Variants in RCAN2 observed in about 807,000 individuals in gnomAD.
The protein encoded by RCAN2 is regulator of calcineurin 2.
A neutral mutation model predicts 23.6 loss-of-function variants in RCAN2; 9 were observed. The observed-to-expected ratio is 0.38, with a 90% CI of 0.23 to 0.67. RCAN2 has a LOEUF of 0.67. RCAN2 is among the 30% of genes least tolerant of loss of function. The pLI is 0.51. For synonymous variants in RCAN2, 109 were observed against 115.7 expected (o/e 0.94, Z 0.37); for missense variants, 273 against 302.3 (o/e 0.90, Z 0.72).
At chr6:46,429,262 T>C (rs1767119383) in intron 2 of RCAN2, among the ~76,000 whole-genome samples, 1 of 152,202 alleles carries the variant, frequency 6.6e-6, no homozygotes, top group African/African-American at 2.4e-5. Flanking sequence ...TAAACACTTT[T>C]ACAGGGTGTA....
At chr6:46,229,551 C>T (rs1407520550) in intron 4 of RCAN2, among the ~76,000 whole-genome samples, 4 of 152,176 alleles carry the variant, frequency 2.6e-5, no homozygotes, top group African/African-American at 7.2e-5. Flanking sequence ...TTTCTTCCAC[C>T]TGATCAAATT....
intron 1 of RCAN2, among the ~76,000 whole-genome samples, chr6:46,489,992 GC>G (rs1323789476): frequency 3.9e-5 from 6 of 152,172 alleles, no homozygotes; most frequent in Non-Finnish European, 8.8e-5. Context: ...ATCCTTTCCA[GC>G]TTTTGGGTAT....
intron 2 of RCAN2, among the ~76,000 whole-genome samples, chr6:46,320,027 C>T (rs1472815734): frequency 6.6e-6 from 1 of 152,100 alleles, no homozygotes; most frequent in Non-Finnish European, 1.5e-5. Flanking sequence ...GGTTACTGAA[C>T]GTTAATTACC....
intron 2 of RCAN2, among the ~76,000 whole-genome samples, chr6:46,345,167 T>A (rs1764444242): frequency 6.6e-6 from 1 of 152,048 alleles, no homozygotes; most frequent in African/African-American, 2.4e-5. Flanking sequence ...GAAATTAGGA[T>A]GTAGATATTT....
At chr6:46,314,869 T>C (rs745424889) in intron 2 of RCAN2, among the ~76,000 whole-genome samples, 15 of 152,156 alleles carry the variant, frequency 9.9e-5, no homozygotes, top group Non-Finnish European at 1.5e-4. Flanking sequence ...AAGACCAGCC[T>C]GGGCAACATG....
At chr6:46,383,428 T>G (rs1364562412) in intron 2 of RCAN2, among the ~76,000 whole-genome samples, 1 of 152,146 alleles carries the variant, frequency 6.6e-6, no homozygotes, top group African/African-American at 2.4e-5. Context: ...CAAATAGTTC[T>G]TGTGATACCA....
chr6:46,465,353 A>G (rs1291705016), intron 1 of RCAN2, among the ~76,000 whole-genome samples: 2 of 152,234 alleles, frequency 1.3e-5, no homozygotes, highest in African/African-American at 4.8e-5. Context: ...GTATTAGTCA[A>G]GGTCTCACAG....
intron 2 of RCAN2, among the ~76,000 whole-genome samples, chr6:46,454,137 A>C (rs1320450135): frequency 6.6e-6 from 1 of 152,210 alleles, no homozygotes; most frequent in East Asian, 1.9e-4. Flanking sequence ...CAGTGCCTAA[A>C]ATGTCCACCC....
chr6:46,474,580 G>T (rs762456890), intron 1 of RCAN2, among the ~76,000 whole-genome samples: 2 of 152,170 alleles, frequency 1.3e-5, no homozygotes, highest in Non-Finnish European at 2.9e-5. Context: ...GTGATGGTAC[G>T]TTTGGAAAGG....
intron 2 of RCAN2, among the ~76,000 whole-genome samples, chr6:46,423,746 A>G (rs1766956102): frequency 1.3e-5 from 2 of 152,140 alleles, no homozygotes; most frequent in African/African-American, 4.8e-5. Context: ...CACATCTTTG[A>G]TTTCTGAGAT....
intron 2 of RCAN2, among the ~76,000 whole-genome samples, chr6:46,306,987 G>C (rs1763093063): frequency 6.6e-6 from 1 of 152,042 alleles, no homozygotes; most frequent in South Asian, 2.1e-4. Flanking sequence ...CTAGAACAGA[G>C]CCTGGCAAAT....
intron 4 of RCAN2, among the ~76,000 whole-genome samples, chr6:46,232,196 C>A (rs139749160): frequency 6.6e-6 from 1 of 152,236 alleles, no homozygotes; most frequent in African/African-American, 2.4e-5. Flanking sequence ...TAACCCAGCA[C>A]GCTGTAATCC....
At chr6:46,489,065 C>A (rs1045980334) in intron 1 of RCAN2, among the ~76,000 whole-genome samples, 1 of 152,150 alleles carries the variant, frequency 6.6e-6, no homozygotes, top group African/African-American at 2.4e-5. Context: ...TTCAGTGAAA[C>A]CTTTCTAAAC....
intron 2 of RCAN2, among the ~76,000 whole-genome samples, chr6:46,404,096 C>A (rs997215340): frequency 6.6e-6 from 1 of 152,098 alleles, no homozygotes; most frequent in African/African-American, 2.4e-5. Flanking sequence ...GTGGTGCGTG[C>A]CTGTAGTCCC....
rs575883289 is a variant in RCAN2, at chr6:46,247,406, C to T, written c.400-487G>A. Among the ~76,000 whole-genome samples, 153 of 152,278 alleles carry T rather than the reference C, an allele frequency of 1.0e-3. 1 individual carries two copies. Among genetic ancestry groups the T allele is most frequent in the African/African-American group, 3.6e-3 (149 of 41,552 alleles). ...CAGTGGCAGTTAGTACATTCCTAACCTGCAACAACCACTTCTATCCAGATC... is the reference window on the plus strand; with the variant it reads ...CAGTGGCAGTTAGTACATTCCTAACTTGCAACAACCACTTCTATCCAGATC... On this transcript the variant is annotated intron_variant, in intron 3 of 4. Transcript: ENST00000371374.
rs554812709 is a variant in RCAN2 at position 46,457,096 on chromosome 6, C to T, written c.-2-118G>A. The T allele has an allele frequency of 6.5e-5, 43 of 661,476 alleles. No homozygotes were observed. In the East Asian group the frequency reaches 1.0e-3, roughly 16 times the overall value. The allele number at this position is 661,476 out of a possible 1,614,324, so 41.0% of individuals were successfully genotyped here. A position where few individuals can be genotyped will look rare whatever the true frequency, so the allele number is the denominator to read the frequency against. ...AGTGGAGTACGATTAGGAGCAGAGGCAGGGGATATTGGAAGGGAGAAGATC... is the reference window on the plus strand; with the variant it reads ...AGTGGAGTACGATTAGGAGCAGAGGTAGGGGATATTGGAAGGGAGAAGATC... On this transcript the variant is annotated intron_variant, in intron 1 of 4. Coordinates refer to ENST00000371374, the MANE Select transcript of RCAN2 (RefSeq NM_001251974.2).
chr6:46,424,169 C>T (rs1766970308), intron 2 of RCAN2, among the ~76,000 whole-genome samples: 1 of 152,204 alleles, frequency 6.6e-6, no homozygotes, highest in South Asian at 2.1e-4. Flanking sequence ...TTATATAGAA[C>T]TTAGTAAGAG....
intron 2 of RCAN2, among the ~76,000 whole-genome samples, chr6:46,391,296 G>C (rs148059753): frequency 6.6e-6 from 1 of 152,104 alleles, no homozygotes. Flanking sequence ...GCAAACTATC[G>C]CATGAAGATT....
intron 2 of RCAN2, among the ~76,000 whole-genome samples, chr6:46,262,016 C>T (rs1767125288): frequency 6.6e-6 from 1 of 152,164 alleles, no homozygotes; most frequent in South Asian, 2.1e-4. Context: ...CCCCTCCTAT[C>T]TGGTTCCTTT....
Sources: gnomAD v4.1 joint callset for allele counts (sites outside exome capture counted in the v4.1 genomes callset) on GRCh38, gnomAD v4.1.1 for gene constraint, MANE v1.5 for transcripts, NCBI Gene and HGNC (gene_info 2026-07-23, HGNC 2026-07-21) for gene names.